The following PSD3 variants were observed in gnomAD, a reference collection of about 807,000 sequenced individuals.
The protein encoded by PSD3 is pleckstrin and Sec7 domain containing 3.
Under a neutral mutation model 105.5 loss-of-function variants are expected in PSD3, and 49 were observed. The observed-to-expected ratio is 0.46, with a 90% CI of 0.37 to 0.59. The LOEUF is 0.59. Ranked by LOEUF, PSD3 falls within the 20% of genes least tolerant of loss-of-function variation. PSD3 has a pLI of 0.00. For synonymous variants in PSD3, 557 were observed against 457.8 expected (o/e 1.22, Z -2.77); for missense variants, 1,561 against 1,263.8 (o/e 1.24, Z -3.57).
At chr8:18,705,534 CAAAAAAAAA>C (rs34331384) in intron 9 of PSD3, among the ~76,000 whole-genome samples, 2 of 88,434 alleles carry the variant, frequency 2.3e-5, no homozygotes, top group African/African-American at 4.6e-5. Context: ...CTGTCTCAAG[CAAAAAAAAA>C]AAAAAAAAAA....
intron 2 of PSD3, among the ~76,000 whole-genome samples, chr8:18,909,991 G>A (rs1341797701): frequency 6.6e-6 from 1 of 152,184 alleles, no homozygotes; most frequent in African/African-American, 2.4e-5. Flanking sequence ...TTATAACAGA[G>A]AAGGAATTTA....
At chr8:18,804,993 A>C in intron 4 of PSD3, 95 bp from the exon 5 acceptor site, 2 of 1,080,482 alleles carry the variant, frequency 1.9e-6, no homozygotes, top group South Asian at 3.1e-5. Context: ...CTTTTAGTTC[A>C]GCTACACTTA....
intron 2 of PSD3, among the ~76,000 whole-genome samples, chr8:18,897,829 C>A (rs1223888134): frequency 6.6e-6 from 1 of 151,980 alleles, no homozygotes; most frequent in Admixed American, 6.6e-5. Context: ...ATAGAAACAC[C>A]ACTGATTTTT....
chr8:18,857,446 A>T (rs1563351315), intron 4 of PSD3, among the ~76,000 whole-genome samples: 1 of 152,170 alleles, frequency 6.6e-6, no homozygotes, highest in Non-Finnish European at 1.5e-5. Context: ...GGTGTTGAGA[A>T]CCTAGGCTGC....
At chr8:18,702,105 A>C (rs1484202033) in intron 9 of PSD3, among the ~76,000 whole-genome samples, 1 of 152,226 alleles carries the variant, frequency 6.6e-6, no homozygotes, top group Non-Finnish European at 1.5e-5. Flanking sequence ...ACTCCGACTG[A>C]TATTTACAGC....
intron 4 of PSD3, among the ~76,000 whole-genome samples, chr8:18,820,358 T>C (rs993401142): frequency 3.3e-5 from 5 of 152,122 alleles, no homozygotes; most frequent in African/African-American, 9.7e-5. Flanking sequence ...AAAAATTTGA[T>C]GTTGTTTGTT....
At chr8:19,023,876 A>G (rs1827450031) in intron 1 of PSD3, among the ~76,000 whole-genome samples, 1 of 152,254 alleles carries the variant, frequency 6.6e-6, no homozygotes, top group Non-Finnish European at 1.5e-5. Flanking sequence ...TATCACATAC[A>G]TGATTGCCCT....
intron 12 of PSD3, among the ~76,000 whole-genome samples, chr8:18,577,930 G>A (rs570406215): frequency 6.6e-6 from 1 of 151,894 alleles, no homozygotes; most frequent in South Asian, 2.1e-4. Context: ...CTTCTCTCAA[G>A]TATTTTCTTT....
rs569294256 is a variant in PSD3 at position 18,862,820 on chromosome 8, T to A, written c.1634+4854A>T. Among the ~76,000 whole-genome samples, 142 of 148,752 alleles carry A rather than the reference T, an allele frequency of 9.5e-4. 2 individuals carry two copies. The highest frequency in any genetic ancestry group is 3.3e-3 in the African/African-American group (132 of 40,176). ...ACAAACAATACAGATAGAGAAAAAC[T>A]GAGGAAGAAAGAGAATAATTTCCAA... is the stretch of plus-strand genomic sequence containing the variant. On this transcript the variant is annotated intron_variant, in intron 4 of 15. Transcript: ENST00000327040.
At chr8:18,868,213 C>T in intron 3 of PSD3, 144 bp from the exon 4 acceptor site, 1 of 991,632 alleles carries the variant, frequency 1.0e-6, no homozygotes, top group South Asian at 1.9e-5. Context: ...GGGAAGGAAG[C>T]TATGAAATAT....
rs397690386 is a variant in PSD3 at position 18,533,933 on chromosome 8, T to TA, written c.*1809dup. On this transcript the variant is annotated 3_prime_UTR_variant, in exon 16 of 16. Coordinates refer to ENST00000327040, the MANE Select transcript of PSD3 (RefSeq NM_015310.4). ...GAGTTAAAAGTGAGGTTTTTTTTTT[T>TA]ACAGGTGTGGCAAAATACTTATTAC... The TA allele has an allele frequency of 2.6e-5, 4 of 151,640 alleles. No homozygotes were observed. Among genetic ancestry groups the TA allele is most frequent in the African/African-American group, 7.3e-5 (3 of 41,290 alleles). The allele number at this position is 151,640 out of a possible 1,614,324, so 9.4% of individuals were successfully genotyped here.
chr8:18,777,459 T>G lies in PSD3; in HGVS notation c.2083-11921A>C, dbSNP rs558014605. 3.3e-5 allele frequency among the ~76,000 whole-genome samples: 5 copies of G among 152,364 alleles called. 1 individual carries two copies. Among genetic ancestry groups the G allele is most frequent in the African/African-American group, 1.2e-4 (5 of 41,588 alleles). On this transcript the variant is annotated intron_variant, in intron 8 of 15. Transcript: ENST00000327040. ...CCTTTATTGTTTCCTTCCACTAATG[T>G]TGAGTTTTTTTCCCATGCTTTTCTA...
intron 9 of PSD3, among the ~76,000 whole-genome samples, chr8:18,703,193 G>A (rs1801691763): frequency 6.6e-6 from 1 of 152,228 alleles, no homozygotes; most frequent in Admixed American, 6.5e-5. Flanking sequence ...CGTCACGAGG[G>A]CTTTTCTCCC....
At chr8:18,804,028 T>C (rs1383940749) in intron 6 of PSD3, among the ~76,000 whole-genome samples, 1 of 152,188 alleles carries the variant, frequency 6.6e-6, no homozygotes, top group African/African-American at 2.4e-5. Context: ...CTACCAATTG[T>C]TTACCACCTG....
chr8:18,738,480 C>A (rs1804317554), intron 9 of PSD3, among the ~76,000 whole-genome samples: 1 of 152,180 alleles, frequency 6.6e-6, no homozygotes, highest in East Asian at 1.9e-4. Flanking sequence ...TGAATAGTTG[C>A]TTTTCCTGTG....
At chr8:18,594,176 TA>T (rs1803845213) in intron 12 of PSD3, among the ~76,000 whole-genome samples, 1 of 51,160 alleles carries the variant, frequency 2.0e-5, no homozygotes, top group African/African-American at 6.4e-5. Flanking sequence ...ACATATTATA[TA>T]ATATATATTA....
intron 13 of PSD3, among the ~76,000 whole-genome samples, chr8:18,574,326 C>A (rs1319709152): frequency 1.3e-5 from 2 of 152,064 alleles, no homozygotes; most frequent in Admixed American, 1.3e-4. Flanking sequence ...CAATTCTGTC[C>A]AAAGTAATTA....
intron 1 of PSD3, among the ~76,000 whole-genome samples, chr8:18,975,585 T>G (rs1414210969): frequency 6.6e-6 from 1 of 152,206 alleles, no homozygotes; most frequent in Non-Finnish European, 1.5e-5. Flanking sequence ...GTATAAAGGT[T>G]GACTTATGAT....
intron 4 of PSD3, among the ~76,000 whole-genome samples, chr8:18,848,131 T>TA (rs11464716): frequency 0.48 from 71,557 of 149,278 alleles, 17,474 homozygotes; most frequent in Admixed American, 0.58. Context: ...TTTCGAGAGT[T>TA]AAAAAAAAAA....
Sources: allele counts gnomAD v4.1 joint callset (sites outside exome capture counted in the v4.1 genomes callset), GRCh38; gene constraint gnomAD v4.1.1; transcripts MANE v1.5; gene names NCBI Gene and HGNC (gene_info 2026-07-23, HGNC 2026-07-21).